The following ZNF451 variants were observed in gnomAD, a reference collection of about 807,000 sequenced individuals.
ZNF451 encodes the protein E3 SUMO-protein ligase ZNF451.
A neutral mutation model predicts 107.1 loss-of-function variants in ZNF451; 80 were observed. The ratio of observed to expected loss-of-function variants is 0.75; its 90% CI spans 0.62 to 0.90. The LOEUF (loss-of-function observed/expected upper bound fraction) is 0.90, where lower values mean the gene tolerates loss of function less well. Among genes scored for constraint, ZNF451 ranks in the 40% least tolerant of loss-of-function variants. The pLI is 0.00. For synonymous variants in ZNF451, 362 were observed against 406.5 expected (o/e 0.89, Z 1.32); for missense variants, 1,107 against 1,236.2 (o/e 0.90, Z 1.57).
At chr6:57,160,806 A>T in intron 13 of ZNF451, 1 of 279,204 alleles carries the variant, frequency 3.6e-6, no homozygotes, top group Non-Finnish European at 6.7e-6. Context: ...GACATCAGGT[A>T]AGTAAGTTTG....
In ZNF451 at chr6:57,090,241, G is replaced by C; in HGVS notation, c.-13G>C. 6.2e-7 allele frequency: 1 copy of C among 1,610,416 alleles called. No homozygotes were observed. Among genetic ancestry groups the C allele is most frequent in the Non-Finnish European group, 8.5e-7 (1 of 1,178,992 alleles). On this transcript the variant is annotated 5_prime_UTR_variant, in exon 1 of 15. Transcript: ENST00000370706. ...GCAGGAGCAGTGGTGCTGTCAGCGC[G>C]GCCGTCGGAGACATGGGAGACCCGG... is the stretch of plus-strand genomic sequence containing the variant.
At chr6:57,108,622 T>C (rs902913451) in intron 3 of ZNF451, 1 of 985,328 alleles carries the variant, frequency 1.0e-6, no homozygotes, top group African/African-American at 1.7e-5. Context: ...CTCATTTAGA[T>C]TCTTGGGACA....
intron 7 of ZNF451, among the ~76,000 whole-genome samples, 165 bp from the exon 8 acceptor site, chr6:57,141,137 A>G (rs1414240502): frequency 6.6e-6 from 1 of 152,250 alleles, no homozygotes; most frequent in Non-Finnish European, 1.5e-5. Flanking sequence ...GACCTCGGTT[A>G]TGATAAAAGT....
chr6:57,112,247 T>A (rs1352363010), intron 3 of ZNF451, among the ~76,000 whole-genome samples: 1 of 152,172 alleles, frequency 6.6e-6, no homozygotes, highest in Non-Finnish European at 1.5e-5. Context: ...AGCTTTAGGA[T>A]GGGCAATAAT....
chr6:57,108,869 G>A, intron 3 of ZNF451: 2 of 985,394 alleles, frequency 2.0e-6, no homozygotes, highest in Non-Finnish European at 2.4e-6. Flanking sequence ...ACTTCATTAA[G>A]TCATTAAGCA....
At chr6:57,124,593 A>G in intron 3 of ZNF451, 141 bp from the exon 4 acceptor site, 1 of 719,052 alleles carries the variant, frequency 1.4e-6, no homozygotes, top group Non-Finnish European at 2.4e-6. Context: ...ACAAAATACC[A>G]CATAAAACCT....
Position 57,104,659 on chromosome 6 carries a change from C to T in ZNF451, c.186+5518C>T, listed in dbSNP as rs942524347. 10 of 984,606 alleles carry T rather than the reference C, an allele frequency of 1.0e-5. No homozygotes were observed. The African/African-American group carries it at 1.4e-4, about 14-fold the overall frequency. The allele number at this position is 984,606 out of a possible 1,614,324, so 61.0% of individuals were successfully genotyped here. A position where few individuals can be genotyped will look rare whatever the true frequency, so the allele number is the denominator to read the frequency against. ...CTGAGCACCTTAACCATTTTTTAAG[C>T]GTATGGTAGTGTTGACTATATTTGC... On this transcript the variant is annotated intron_variant, in intron 3 of 14. Coordinates refer to ENST00000370706, the MANE Select transcript of ZNF451 (RefSeq NM_001031623.3).
chr6:57,133,132 C>G lies in ZNF451; in HGVS notation c.515C>G (p.Pro172Arg). 1.9e-6 allele frequency: 3 copies of G among 1,614,066 alleles called. No individual in the cohort carries two copies. Among genetic ancestry groups the G allele is most frequent in the Non-Finnish European group, 2.5e-6 (3 of 1,179,974 alleles). Residue 172 changes from proline to arginine, a missense_variant, in exon 6 of 15, where the codon CCT becomes CGT. By Grantham distance (103) the Pro-to-Arg change is moderately radical. This residue lies in a region of ZNF451 where 339 missense variants were observed against 372.8 expected (regional missense o/e 0.91). Transcript: ENST00000370706. The part of the protein sequence containing the change: ...TWVSGKPILC[P>R]IMHCNKEFDN... Reference sequence around the variant, plus strand: ...GTGTCTGGGAAACCAATTTTATGTCCTATAATGCACTGTAACAAGGAGTTT... The same window carrying G: ...GTGTCTGGGAAACCAATTTTATGTCGTATAATGCACTGTAACAAGGAGTTT...
chr6:57,125,416 G>T (rs1376149542), intron 4 of ZNF451, among the ~76,000 whole-genome samples: 1 of 152,106 alleles, frequency 6.6e-6, no homozygotes, highest in Non-Finnish European at 1.5e-5. Context: ...ATTACTTAAA[G>T]AATTCCCTCA....
intron 14 of ZNF451, chr6:57,164,928 T>A (rs1763830001): frequency 6.6e-6 from 1 of 152,224 alleles, no homozygotes; most frequent in East Asian, 1.9e-4. Context: ...CAAGTTACTG[T>A]CTGATGTCCT....
chr6:57,165,470 G>A (rs917039608), intron 14 of ZNF451: 3 of 152,050 alleles, frequency 2.0e-5, no homozygotes, highest in African/African-American at 7.2e-5. Flanking sequence ...GATTTAGACT[G>A]AACTCAAACC....
At chr6:57,103,982 T>C (rs1562591580) in intron 3 of ZNF451, 1 of 985,434 alleles carries the variant, frequency 1.0e-6, no homozygotes, top group Non-Finnish European at 1.2e-6. Flanking sequence ...CAGGGTACTG[T>C]ATTGATCTTG....
At chr6:57,101,881 G>A (rs971898955) in intron 3 of ZNF451, 1 of 1,550,444 alleles carries the variant, frequency 6.4e-7, no homozygotes, top group African/African-American at 1.4e-5. Context: ...TGGACAAGAT[G>A]TGAAAGCTGT....
At chr6:57,102,424 T>C in intron 3 of ZNF451, 2 of 1,018,040 alleles carry the variant, frequency 2.0e-6, no homozygotes, top group Non-Finnish European at 1.2e-6. Flanking sequence ...TATAAAGATG[T>C]GTTCCTCAGG....
rs759948147 is a variant in ZNF451, at chr6:57,150,797, G to T, written c.2687G>T (p.Trp896Leu). The T allele has an allele frequency of 6.2e-7, 1 of 1,613,744 alleles. No individual in the cohort carries two copies. Among genetic ancestry groups the T allele is most frequent in the Non-Finnish European group, 8.5e-7 (1 of 1,179,940 alleles). The change falls in exon 11 of 15, where the codon TGG becomes TTG. Residue 896 changes from tryptophan to leucine, a missense_variant. Coordinates refer to ENST00000370706, the MANE Select transcript of ZNF451 (RefSeq NM_001031623.3). ...ATAGTCTTTGTAGATTTTGATAACT[G>T]GTCAAACTTTTTTGGTCATCTACCA... Reference protein sequence around the residue: ...THIVFVDFDNWSNFFGHLPGH... With the variant: ...THIVFVDFDNLSNFFGHLPGH...
chr6:57,130,637 T>C (rs1228857592), intron 5 of ZNF451, among the ~76,000 whole-genome samples: 1 of 152,188 alleles, frequency 6.6e-6, no homozygotes, highest in East Asian at 1.9e-4. Flanking sequence ...GCCAGTAATA[T>C]GCCCTTCAAG....
chr6:57,154,427 A>C (rs1763300333), intron 13 of ZNF451: 1 of 332,614 alleles, frequency 3.0e-6, no homozygotes, highest in Non-Finnish European at 5.4e-6. Context: ...CTTAGAGGTG[A>C]AAACCAGAAA....
At chr6:57,165,483 GAC>G (rs949837040) in intron 14 of ZNF451, 2 of 152,122 alleles carry the variant, frequency 1.3e-5, no homozygotes, top group African/African-American at 4.8e-5. Flanking sequence ...CTCAAACCAA[GAC>G]ACACACTGGA....
At chr6:57,127,960 A>G (rs1400435415) in intron 4 of ZNF451, among the ~76,000 whole-genome samples, 1 of 152,174 alleles carries the variant, frequency 6.6e-6, no homozygotes, top group Non-Finnish European at 1.5e-5. Flanking sequence ...TCACTTGTTT[A>G]CATATTGTCT....
Sources: allele counts gnomAD v4.1 joint callset (sites outside exome capture counted in the v4.1 genomes callset), GRCh38; gene constraint gnomAD v4.1.1; regional missense constraint gnomAD v4.1.1; transcripts MANE v1.5; gene names NCBI Gene and HGNC (gene_info 2026-07-23, HGNC 2026-07-21).